The following TFEC variants were observed in gnomAD, a reference collection of about 807,000 sequenced individuals.
The protein encoded by TFEC is transcription factor EC, also known as class E basic helix-loop-helix protein 34.
In TFEC, 31 loss-of-function variants were observed where a neutral mutation model predicts 41.6. The observed-to-expected ratio is 0.74, with a 90% CI of 0.56 to 1.01. TFEC has a LOEUF of 1.01. TFEC is among the 50% of genes least tolerant of loss of function. The probability of loss-of-function intolerance (pLI) is 0.00; values close to 1 mark genes in which losing one functional copy is unlikely to be tolerated. For missense variants in TFEC, 402 were observed against 404.1 expected (o/e 0.99, Z 0.04); for synonymous variants, 143 against 140.6 (o/e 1.02, Z -0.12).
At chr7:116,090,380 C>T (rs55984738) in intron 3 of TFEC, among the ~76,000 whole-genome samples, 23,720 of 152,038 alleles carry the variant, frequency 0.16, 2,005 homozygotes, top group East Asian at 0.33. Flanking sequence ...CTCCTATGCT[C>T]GGCCTGCTCC....
intron 1 of TFEC, among the ~76,000 whole-genome samples, chr7:116,136,585 T>A (rs557709281): frequency 6.6e-6 from 1 of 151,938 alleles, no homozygotes; most frequent in South Asian, 2.1e-4. Flanking sequence ...TAATAAATCA[T>A]AGTATGTTTT....
At chr7:116,075,946 G>A (rs1293642912) in intron 3 of TFEC, among the ~76,000 whole-genome samples, 1 of 152,158 alleles carries the variant, frequency 6.6e-6, no homozygotes, top group East Asian at 1.9e-4. Flanking sequence ...AGTGCCACTT[G>A]CTGGCTGGAC....
intron 3 of TFEC, among the ~76,000 whole-genome samples, chr7:116,109,902 A>G (rs112226265): frequency 0.021 from 3,203 of 152,326 alleles, 41 homozygotes; most frequent in Non-Finnish European, 0.033. Context: ...GCCATAAAAA[A>G]GGATGCATAG....
intron 1 of TFEC, among the ~76,000 whole-genome samples, chr7:116,139,039 G>T (rs1338187493): frequency 6.6e-6 from 1 of 152,078 alleles, no homozygotes; most frequent in Non-Finnish European, 1.5e-5. Context: ...ACCTCTGACT[G>T]AAAAATAACA....
At chr7:116,094,504 T>A (rs1797404979) in intron 3 of TFEC, among the ~76,000 whole-genome samples, 1 of 151,744 alleles carries the variant, frequency 6.6e-6, no homozygotes. Context: ...TATGATGAAA[T>A]CCCGTCTCTA....
At chr7:115,963,044 C>G (rs1164282603) in intron 3 of TFEC, among the ~76,000 whole-genome samples, 1 of 151,454 alleles carries the variant, frequency 6.6e-6, no homozygotes, top group Admixed American at 6.6e-5. Context: ...ATATTCCCCA[C>G]CCTGTGTCCA....
At chr7:115,951,063 A>T in intron 5 of TFEC, 114 bp from the exon 6 acceptor site, 1 of 493,264 alleles carries the variant, frequency 2.0e-6, no homozygotes, top group Non-Finnish European at 3.4e-6. Flanking sequence ...CTTTCCATTT[A>T]GTCAAAAGAT....
At chr7:116,139,233 C>T (rs879263254) in intron 1 of TFEC, among the ~76,000 whole-genome samples, 7 of 152,028 alleles carry the variant, frequency 4.6e-5, no homozygotes, top group Admixed American at 3.3e-4. Context: ...TGCCCCAGAG[C>T]AAGAGAGAAA....
In TFEC at chr7:115,974,180, A is replaced by C. The variant is rs1793263051; in HGVS notation, c.257T>G (p.Met86Arg). The C allele has an allele frequency of 1.9e-6, 3 of 1,594,784 alleles. No individual in the cohort carries two copies. The highest frequency in any genetic ancestry group is 2.6e-6 in the Non-Finnish European group (3 of 1,172,086). Residue 86 changes from methionine (M) to arginine (R), a missense_variant, in exon 3 of 8, where the codon ATG (methionine) becomes AGG (arginine). By Grantham distance (91) the Met-to-Arg change is moderately conservative. Transcript: ENST00000265440. ...TCTGAAAGCACTTACTGTTCTTTGC[A>C]TTAGCAGAGGAGAGTCTGCTCCTTC... ...KEEGADSPLL[M>R]QRTLSGSILD... is the part of the protein sequence containing the mutation.
chr7:115,988,706 C>T (rs188800628), intron 1 of TFEC, among the ~76,000 whole-genome samples: 21 of 151,754 alleles, frequency 1.4e-4, no homozygotes, highest in Admixed American at 1.2e-3. Context: ...TATAATGTAC[C>T]AAACCACAGA....
intron 1 of TFEC, among the ~76,000 whole-genome samples, chr7:116,014,637 C>T (rs1795123268): frequency 6.6e-6 from 1 of 151,958 alleles, no homozygotes. Context: ...CAAAGATGTC[C>T]ACATCTTACC....
chr7:116,021,960 C>T (rs187478625), intron 1 of TFEC, among the ~76,000 whole-genome samples: 1 of 152,138 alleles, frequency 6.6e-6, no homozygotes, highest in African/African-American at 2.4e-5. Flanking sequence ...AGGGCTCCCC[C>T]CAGAGTTGGT....
At chr7:115,991,552 CA>C (rs559351914) in intron 1 of TFEC, among the ~76,000 whole-genome samples, 148 of 150,722 alleles carry the variant, frequency 9.8e-4, no homozygotes, top group Non-Finnish European at 1.3e-3. Context: ...AAATGGAAAA[CA>C]AAAAAAAGGA....
At chr7:115,986,148 C>A (rs891015238) in intron 1 of TFEC, among the ~76,000 whole-genome samples, 2 of 152,082 alleles carry the variant, frequency 1.3e-5, no homozygotes, top group African/African-American at 4.8e-5. Flanking sequence ...AGATGTGATC[C>A]CAAGGTTATA....
intron 3 of TFEC, among the ~76,000 whole-genome samples, chr7:116,037,556 G>A (rs1338692148): frequency 6.6e-6 from 1 of 151,954 alleles, no homozygotes; most frequent in African/African-American, 2.4e-5. Context: ...TTTATTACCA[G>A]TTTGAGAAAT....
upstream of TFEC, among the ~76,000 whole-genome samples, chr7:116,034,811 A>T (rs1035650671): frequency 3.3e-5 from 5 of 151,986 alleles, no homozygotes; most frequent in African/African-American, 4.8e-5. Flanking sequence ...GGAAGAACTT[A>T]AGTCATTCCA....
intron 1 of TFEC, among the ~76,000 whole-genome samples, chr7:115,985,672 T>C (rs180772324): frequency 1.5e-3 from 228 of 152,246 alleles, no homozygotes; most frequent in African/African-American, 5.3e-3. Flanking sequence ...CTGACATTTT[T>C]AGCATTATTT....
Position 115,940,423 on chromosome 7 carries a change from G to A in TFEC, c.*128C>T. ...GCGAATTCTTCTGTTGCTTCTATCA[G>A]TTTTTCATGAACAACACATTCCTTT... On this transcript the variant is annotated 3_prime_UTR_variant, in exon 8 of 8. Transcript: ENST00000265440. 1 of 1,031,036 alleles carries A rather than the reference G, an allele frequency of 9.7e-7. No homozygotes were observed. Among genetic ancestry groups the A allele is most frequent in the South Asian group, 2.2e-5 (1 of 46,504 alleles). 63.9% of individuals were successfully genotyped at this position (1,031,036 alleles called of 1,614,324 possible). A position where few individuals can be genotyped will look rare whatever the true frequency, so the allele number is the denominator to read the frequency against.
chr7:116,100,340 T>G (rs77577354), intron 3 of TFEC, among the ~76,000 whole-genome samples: 1 of 152,152 alleles, frequency 6.6e-6, no homozygotes, highest in East Asian at 1.9e-4. Flanking sequence ...TGCCAAATCA[T>G]GTTATTAAGA....
Sources: gnomAD v4.1 joint callset for allele counts (sites outside exome capture counted in the v4.1 genomes callset) on GRCh38, gnomAD v4.1.1 for gene constraint, MANE v1.5 for transcripts, NCBI Gene and HGNC (gene_info 2026-07-23, HGNC 2026-07-21) for gene names.